CPNE2: variants seen among roughly 807,000 people sequenced by gnomAD.
The protein encoded by CPNE2 is copine 2, also known as copine-2.
CPNE2 carries 42 observed loss-of-function variants against 69.7 expected under a neutral mutation model. The ratio of observed to expected loss-of-function variants is 0.60; its 90% confidence interval spans 0.47 to 0.78. CPNE2 has a LOEUF of 0.78. Among genes scored for constraint, CPNE2 ranks in the 30% least tolerant of loss-of-function variants. The probability of loss-of-function intolerance (pLI) is 0.00; values close to 1 mark genes in which losing one functional copy is unlikely to be tolerated. For synonymous variants in CPNE2, 294 were observed against 289.8 expected, an observed-to-expected ratio of 1.01 and a Z score of -0.15; for missense variants, 587 against 732.0, an observed-to-expected ratio of 0.80 and a Z score of 2.29.
intron 9 of CPNE2, 47 bp downstream of exon 9, chr16:57,121,807 A>G (rs1480839928): frequency 3.9e-6 from 6 of 1,550,420 alleles, no homozygotes; most frequent in Admixed American, 1.7e-5. Flanking sequence ...GTTTCAGGCC[A>G]CACAGAAGGG....
chr16:57,117,396 C>T, intron 4 of CPNE2, 100 bp from the exon 5 acceptor site: 6 of 1,207,560 alleles, frequency 5.0e-6, no homozygotes, highest in Non-Finnish European at 7.1e-6. Flanking sequence ...TTCCCTTCCC[C>T]CTCCTAGCCC....
At chr16:57,120,087 A>G (rs2069750239) in intron 7 of CPNE2, among the ~76,000 whole-genome samples, 1 of 151,234 alleles carries the variant, frequency 6.6e-6, no homozygotes, top group African/African-American at 2.4e-5. Context: ...AGCCTGGCCA[A>G]CATGGGAAAA....
At chr16:57,123,239 T>C (rs1241299815) in intron 9 of CPNE2, 175 bp from the exon 10 acceptor site, 1 of 659,686 alleles carries the variant, frequency 1.5e-6, no homozygotes, top group Non-Finnish European at 2.7e-6. Context: ...TTAGGAACCA[T>C]TGCACTGAAG....
chr16:57,120,928 T>G (rs2069756916), intron 7 of CPNE2, among the ~76,000 whole-genome samples, 165 bp from the exon 8 acceptor site: 1 of 152,040 alleles, frequency 6.6e-6, no homozygotes, highest in Non-Finnish European at 1.5e-5. Flanking sequence ...ATCACAGAAG[T>G]CTTCCTGCAG....
chr16:57,114,437 C>T (rs1002708328), intron 3 of CPNE2, among the ~76,000 whole-genome samples: 3 of 152,194 alleles, frequency 2.0e-5, no homozygotes, highest in African/African-American at 2.4e-5. Flanking sequence ...TCCCATCAAA[C>T]GGGGGCCCCC....
intron 1 of CPNE2, among the ~76,000 whole-genome samples, chr16:57,100,565 G>C (rs554521777): frequency 1.0e-3 from 155 of 152,306 alleles, no homozygotes; most frequent in Non-Finnish European, 1.6e-3. Flanking sequence ...ATTAGTGGAG[G>C]CCCAATAGGT....
intron 4 of CPNE2, among the ~76,000 whole-genome samples, chr16:57,116,368 C>T (rs2145252469): frequency 6.6e-6 from 1 of 152,348 alleles, no homozygotes. Flanking sequence ...CCTCCCCCAA[C>T]CTCTTGGTTC....
At chr16:57,127,709 T>TAA (rs2069810429) in intron 11 of CPNE2, 140 bp from the exon 12 acceptor site, 1 of 814,510 alleles carries the variant, frequency 1.2e-6, no homozygotes, top group Non-Finnish European at 2.0e-6. Flanking sequence ...TAGATGATCC[T>TAA]AACAGCTTTT....
At chr16:57,142,073 C>T (rs1248437719) in intron 14 of CPNE2, 6 of 152,278 alleles carry the variant, frequency 3.9e-5, no homozygotes, top group African/African-American at 1.4e-4. Flanking sequence ...GGGCTGCACT[C>T]TCCCATTCAT....
At chr16:57,118,169 T>C (rs1446009099) in intron 5 of CPNE2, among the ~76,000 whole-genome samples, 1 of 120,734 alleles carries the variant, frequency 8.3e-6, no homozygotes, top group Non-Finnish European at 1.7e-5. Context: ...CTTTCTTTCT[T>C]TTTTTTTTTT....
intron 6 of CPNE2, 130 bp from the exon 7 acceptor site, chr16:57,119,431 A>G: frequency 9.0e-7 from 1 of 1,115,904 alleles, no homozygotes; most frequent in South Asian, 1.3e-5. Flanking sequence ...AGCCACAGGG[A>G]CGCTCACTTC....
intron 1 of CPNE2, among the ~76,000 whole-genome samples, chr16:57,097,218 T>G (rs1332999950): frequency 9.2e-5 from 14 of 152,130 alleles, no homozygotes; most frequent in Non-Finnish European, 1.9e-4. Flanking sequence ...TTATGACATT[T>G]TCCACTCTCT....
chr16:57,131,715 A>G (rs2069839799), intron 12 of CPNE2, among the ~76,000 whole-genome samples: 1 of 152,168 alleles, frequency 6.6e-6, no homozygotes, highest in African/African-American at 2.4e-5. Flanking sequence ...GGGAGCCGCC[A>G]GGCCTGGCCC....
chr16:57,114,019 C>CT (rs146517446), intron 3 of CPNE2, among the ~76,000 whole-genome samples: 2,077 of 152,332 alleles, frequency 0.014, 49 homozygotes, highest in African/African-American at 0.047. Flanking sequence ...GATGACTGCT[C>CT]TGCCCAGCCT....
rs1449655496 is a variant in CPNE2 at position 57,119,654 on chromosome 16, AG to A, written c.681+9del. 1.3e-6 allele frequency: 2 copies of A among 1,599,094 alleles called. No homozygotes were observed. The highest frequency in any genetic ancestry group is 1.7e-6 in the Non-Finnish European group (2 of 1,171,992). ...GGACATGGAGAAGCCCATCCAGGTGAGGGGGCTCTGGGGACCCTGCTCCCCA... is the reference window on the plus strand; with the variant it reads ...GGACATGGAGAAGCCCATCCAGGTGAGGGGCTCTGGGGACCCTGCTCCCCA... On this transcript the variant is annotated splice_donor_5th_base_variant and intron_variant, in intron 7 of 15. Transcript: ENST00000290776.
intron 1 of CPNE2, among the ~76,000 whole-genome samples, chr16:57,107,366 C>T (rs2069654373): frequency 6.6e-6 from 1 of 152,206 alleles, no homozygotes; most frequent in Admixed American, 6.5e-5. Flanking sequence ...TCATCGTTGT[C>T]CAGATTTTTC....
At chr16:57,144,611 C>T (rs1166812209) in intron 14 of CPNE2, 4 of 152,232 alleles carry the variant, frequency 2.6e-5, no homozygotes, top group Non-Finnish European at 4.4e-5. Context: ...AACTGAGCTT[C>T]CCCTAAAGGG....
At chr16:57,108,808 C>T (rs1267995371) in intron 1 of CPNE2, among the ~76,000 whole-genome samples, 2 of 152,198 alleles carry the variant, frequency 1.3e-5, no homozygotes, top group African/African-American at 4.8e-5. Context: ...TTAACCTTGA[C>T]TGGAGGAAGA....
intron 12 of CPNE2, among the ~76,000 whole-genome samples, chr16:57,131,678 A>G (rs1359822809): frequency 1.3e-5 from 2 of 152,182 alleles, no homozygotes; most frequent in African/African-American, 4.8e-5. Flanking sequence ...GAAAGGACAG[A>G]TGCTGTGTCC....
Sources: allele counts gnomAD v4.1 joint callset (sites outside exome capture counted in the v4.1 genomes callset), GRCh38; gene constraint gnomAD v4.1.1; transcripts MANE v1.5; gene names NCBI Gene and HGNC (gene_info 2026-07-23, HGNC 2026-07-21).